AHCYL2: variants seen among roughly 807,000 people sequenced by gnomAD.
AHCYL2 encodes the protein S-adenosylhomocysteine hydrolase-like protein 2.
A neutral mutation model predicts 81.4 loss-of-function variants in AHCYL2; 28 were observed. That is an observed-to-expected ratio of 0.34 (90% CI 0.25 to 0.47). The LOEUF (loss-of-function observed/expected upper bound fraction) is 0.47. Ranked by LOEUF, AHCYL2 falls within the 20% of genes least tolerant of loss-of-function variation. The pLI is 1.00. For synonymous variants in AHCYL2, 272 were observed against 290.2 expected (o/e 0.94, Z 0.64); for missense variants, 551 against 785.1 (o/e 0.70, Z 3.56).
intron 1 of AHCYL2, among the ~76,000 whole-genome samples, chr7:129,231,956 T>G (rs1475820425): frequency 6.6e-6 from 1 of 151,688 alleles, no homozygotes; most frequent in Non-Finnish European, 1.5e-5. Flanking sequence ...TTTTCAAGGG[T>G]CTATCAGTAG....
chr7:129,312,827 C>T (rs1797708399), intron 1 of AHCYL2, among the ~76,000 whole-genome samples: 1 of 152,134 alleles, frequency 6.6e-6, no homozygotes, highest in South Asian at 2.1e-4. Context: ...CTCTCACCCC[C>T]ACCCGTATGT....
At chr7:129,264,060 C>T (rs893005087) in intron 1 of AHCYL2, among the ~76,000 whole-genome samples, 1 of 152,116 alleles carries the variant, frequency 6.6e-6, no homozygotes, top group Non-Finnish European at 1.5e-5. Flanking sequence ...CATGCTCTGT[C>T]GCCTAGGCTG....
At chr7:129,231,560 A>G (rs888087693) in intron 1 of AHCYL2, among the ~76,000 whole-genome samples, 12 of 152,224 alleles carry the variant, frequency 7.9e-5, no homozygotes, top group African/African-American at 2.7e-4. Context: ...ACTGAGGCAG[A>G]TGGGAAGAGA....
At chr7:129,236,980 T>A (rs1794665516) in intron 1 of AHCYL2, among the ~76,000 whole-genome samples, 1 of 152,214 alleles carries the variant, frequency 6.6e-6, no homozygotes, top group Admixed American at 6.5e-5. Flanking sequence ...ATTGGATTTT[T>A]TTTTTCATGT....
chr7:129,293,573 G>C (rs552343280), intron 1 of AHCYL2, among the ~76,000 whole-genome samples: 2 of 152,088 alleles, frequency 1.3e-5, no homozygotes, highest in East Asian at 1.9e-4. Flanking sequence ...AGTTACTAGG[G>C]GGGTGGGAGG....
At chr7:129,248,783 A>G (rs147971752) in intron 1 of AHCYL2, among the ~76,000 whole-genome samples, 164 of 152,136 alleles carry the variant, frequency 1.1e-3, no homozygotes, top group Non-Finnish European at 2.1e-3. Context: ...CATCTTAATG[A>G]TACTGAGACT....
intron 1 of AHCYL2, among the ~76,000 whole-genome samples, chr7:129,292,129 G>T (rs190376815): frequency 1.3e-5 from 2 of 152,082 alleles, no homozygotes; most frequent in African/African-American, 2.4e-5. Flanking sequence ...AACATTTTTA[G>T]TAGGACTACT....
At chr7:129,324,732 G>T (rs903422666) in intron 1 of AHCYL2, among the ~76,000 whole-genome samples, 2 of 151,834 alleles carry the variant, frequency 1.3e-5, no homozygotes, top group African/African-American at 4.8e-5. Context: ...AGCCAGGATG[G>T]TCTCAATCTC....
intron 1 of AHCYL2, among the ~76,000 whole-genome samples, chr7:129,359,462 A>G (rs1477176243): frequency 6.6e-6 from 1 of 152,198 alleles, no homozygotes; most frequent in Middle Eastern, 3.2e-3. Flanking sequence ...ATCAAGCTGT[A>G]GCTTTGTTAT....
intron 1 of AHCYL2, among the ~76,000 whole-genome samples, chr7:129,258,286 C>T (rs1004099176): frequency 1.4e-5 from 2 of 146,512 alleles, no homozygotes; most frequent in African/African-American, 5.0e-5. Context: ...CCATCCTTCA[C>T]TTTTTCTGTT....
intron 1 of AHCYL2, among the ~76,000 whole-genome samples, chr7:129,349,280 A>AG (rs1793466825): frequency 6.6e-6 from 1 of 152,076 alleles, no homozygotes; most frequent in Admixed American, 6.6e-5. Context: ...AATAATCTTT[A>AG]GGTAGAGACC....
chr7:129,248,691 G>A (rs1169435946), intron 1 of AHCYL2, among the ~76,000 whole-genome samples: 2 of 150,158 alleles, frequency 1.3e-5, no homozygotes, highest in African/African-American at 4.9e-5. Flanking sequence ...TTTAGGATAA[G>A]CTTGTCAATG....
chr7:129,235,803 T>C (rs1194143512), intron 1 of AHCYL2, among the ~76,000 whole-genome samples: 1 of 152,212 alleles, frequency 6.6e-6, no homozygotes, highest in Non-Finnish European at 1.5e-5. Flanking sequence ...TACCTATAGA[T>C]CTGTCTCATA....
chr7:129,291,710 C>CT lies in AHCYL2; in HGVS notation c.363+66273dup, dbSNP rs1380275911. Among the ~76,000 whole-genome samples, 4 of 15,892 alleles carry CT rather than the reference C, an allele frequency of 2.5e-4. No homozygotes were observed. The Non-Finnish European group carries it at 0.017, about 69-fold the overall frequency. The allele number at this position is 15,892 out of a possible 152,430, so 10.4% of individuals were successfully genotyped here. The stretch of plus-strand genomic sequence containing the variant: ...CCCCACCTCCCAGGTTCACGCCGTT[C>CT]TTCGCCTCAGCCTCCCGAGTAGCTG... On this transcript the variant is annotated intron_variant, in intron 1 of 16. Transcript: ENST00000325006.
chr7:129,358,883 A>T (rs181538553), intron 1 of AHCYL2, among the ~76,000 whole-genome samples: 1 of 152,332 alleles, frequency 6.6e-6, no homozygotes, highest in East Asian at 1.9e-4. Context: ...ATCTGAAGCA[A>T]CTGGAATACT....
rs752216290 is a variant in AHCYL2 at position 129,403,365 on chromosome 7, G to A, written c.919-14G>A. ...CAGCAAAGTGAATGATGTTATTGAT[G>A]CTTACTATTGCAGATCTTGGATGAT... On this transcript the variant is annotated splice_polypyrimidine_tract_variant and intron_variant, in intron 6 of 16. Coordinates refer to ENST00000325006, the MANE Select transcript of AHCYL2 (RefSeq NM_015328.4). 3 of 1,565,642 alleles carry A rather than the reference G, an allele frequency of 1.9e-6. No individual in the cohort carries two copies. The highest frequency in any genetic ancestry group is 1.1e-5 in the South Asian group (1 of 87,224).
intron 1 of AHCYL2, among the ~76,000 whole-genome samples, chr7:129,376,592 T>C (rs1794699659): frequency 6.6e-6 from 1 of 152,178 alleles, no homozygotes; most frequent in Non-Finnish European, 1.5e-5. Context: ...TGGTTTGAGA[T>C]GATAATGCAG....
intron 1 of AHCYL2, among the ~76,000 whole-genome samples, chr7:129,238,786 A>G (rs1029800536): frequency 2.0e-5 from 3 of 152,132 alleles, no homozygotes; most frequent in African/African-American, 7.2e-5. Context: ...CCCTGTCTCT[A>G]CTAAAAATAC....
At chr7:129,407,082 G>A (rs892961317) in intron 10 of AHCYL2, among the ~76,000 whole-genome samples, 7 of 152,330 alleles carry the variant, frequency 4.6e-5, no homozygotes, top group African/African-American at 1.7e-4. Context: ...GGTGTAATGG[G>A]TTCATGCCTG....
Sources: gnomAD v4.1 joint callset for allele counts (sites outside exome capture counted in the v4.1 genomes callset) on GRCh38, gnomAD v4.1.1 for gene constraint, MANE v1.5 for transcripts, NCBI Gene and HGNC (gene_info 2026-07-23, HGNC 2026-07-21) for gene names.